PDLIM5: variants seen among roughly 807,000 people sequenced by gnomAD.
The protein encoded by PDLIM5 is PDZ and LIM domain 5.
PDLIM5 carries 34 observed loss-of-function variants against 64.2 expected under a neutral mutation model. The observed-to-expected ratio is 0.53, with a 90% CI of 0.40 to 0.71. PDLIM5 has a LOEUF of 0.71. PDLIM5 is among the 30% of genes least tolerant of loss of function. The probability of loss-of-function intolerance (pLI) is 0.00; values close to 1 mark genes in which losing one functional copy is unlikely to be tolerated. For synonymous variants in PDLIM5, 253 were observed against 269.1 expected, an observed-to-expected ratio of 0.94 and a Z score of 0.59; for missense variants, 683 against 733.6, an observed-to-expected ratio of 0.93 and a Z score of 0.80.
intron 3 of PDLIM5, among the ~76,000 whole-genome samples, chr4:94,524,117 C>G (rs1290253505): frequency 6.6e-6 from 1 of 151,972 alleles, no homozygotes; most frequent in Non-Finnish European, 1.5e-5. Context: ...GGCCTGTAAT[C>G]CCAGCACTTT....
At chr4:94,609,684 T>C (rs1738205127) in intron 7 of PDLIM5, among the ~76,000 whole-genome samples, 1 of 152,208 alleles carries the variant, frequency 6.6e-6, no homozygotes, top group Admixed American at 6.5e-5. Context: ...TTGTGCCTGC[T>C]TCTCCTGAAA....
intron 5 of PDLIM5, among the ~76,000 whole-genome samples, chr4:94,580,601 G>T (rs1396068520): frequency 6.6e-6 from 1 of 152,050 alleles, no homozygotes; most frequent in African/African-American, 2.4e-5. Flanking sequence ...AGGTTAGATA[G>T]AATTTTTTTT....
intron 9 of PDLIM5, among the ~76,000 whole-genome samples, chr4:94,647,089 A>G (rs1741474463): frequency 6.6e-6 from 1 of 152,174 alleles, no homozygotes; most frequent in Non-Finnish European, 1.5e-5. Flanking sequence ...TAGGAAAGGG[A>G]ACAAAAAAGG....
chr4:94,452,856 G>A (rs1240292832), intron 1 of PDLIM5, among the ~76,000 whole-genome samples: 2 of 152,192 alleles, frequency 1.3e-5, no homozygotes, highest in East Asian at 1.9e-4. Context: ...GGCCAACAAG[G>A]CTAGGCGCGA....
chr4:94,509,133 T>C (rs1174355399), intron 2 of PDLIM5, among the ~76,000 whole-genome samples: 1 of 152,206 alleles, frequency 6.6e-6, no homozygotes, highest in African/African-American at 2.4e-5. Context: ...ATTTCATCAT[T>C]ATATCATAAT....
chr4:94,457,632 A>G (rs1723494320), intron 2 of PDLIM5, among the ~76,000 whole-genome samples: 2 of 152,226 alleles, frequency 1.3e-5, no homozygotes, highest in Admixed American at 1.3e-4. Flanking sequence ...TTGTGTGGTA[A>G]TAGAAATGCA....
chr4:94,453,248 T>G (rs972430958), intron 1 of PDLIM5, among the ~76,000 whole-genome samples: 1 of 152,172 alleles, frequency 6.6e-6, no homozygotes, highest in African/African-American at 2.4e-5. Context: ...TGGGCACTAA[T>G]AACCAGATGG....
intron 7 of PDLIM5, among the ~76,000 whole-genome samples, chr4:94,612,252 A>C (rs1221661425): frequency 6.6e-6 from 1 of 152,130 alleles, no homozygotes; most frequent in African/African-American, 2.4e-5. Context: ...AACAAACAAA[A>C]AATATATATA....
chr4:94,610,847 A>G (rs1174506363), intron 7 of PDLIM5, among the ~76,000 whole-genome samples: 2 of 152,176 alleles, frequency 1.3e-5, no homozygotes, highest in East Asian at 3.9e-4. Flanking sequence ...GTGAAAATCT[A>G]ATCAATGTTA....
At chr4:94,515,345 T>G (rs1729271197) in intron 2 of PDLIM5, among the ~76,000 whole-genome samples, 1 of 152,226 alleles carries the variant, frequency 6.6e-6, no homozygotes. Flanking sequence ...ATTAAGGTTT[T>G]TAAAAAGCGA....
intron 4 of PDLIM5, 32 bp from the exon 5 acceptor site, chr4:94,575,584 G>T (rs1376489260): frequency 7.0e-7 from 1 of 1,436,402 alleles, no homozygotes; most frequent in Admixed American, 2.2e-5. Flanking sequence ...GTTTGGTGTG[G>T]TTTTGTGTAT....
intron 3 of PDLIM5, among the ~76,000 whole-genome samples, chr4:94,560,771 A>C (rs905516041): frequency 6.6e-6 from 1 of 152,126 alleles, no homozygotes; most frequent in South Asian, 2.1e-4. Context: ...GCTGTTGCCC[A>C]GGCTGGGTGT....
At chr4:94,588,203 T>C (rs1000494979) in intron 7 of PDLIM5, 1 of 964,716 alleles carries the variant, frequency 1.0e-6, no homozygotes, top group African/African-American at 1.8e-5. Flanking sequence ...CTGGGTAAAA[T>C]AAACAATTCT....
intron 3 of PDLIM5, among the ~76,000 whole-genome samples, chr4:94,538,023 A>G (rs935514081): frequency 6.6e-6 from 1 of 151,612 alleles, no homozygotes; most frequent in East Asian, 2.1e-4. Flanking sequence ...CATTTGTTTG[A>G]TATTCCAGTC....
At chr4:94,468,383 G>A (rs1181583655) in intron 2 of PDLIM5, among the ~76,000 whole-genome samples, 1 of 152,084 alleles carries the variant, frequency 6.6e-6, no homozygotes, top group Non-Finnish European at 1.5e-5. Context: ...CAAACATGTG[G>A]GCTCAAGTGA....
chr4:94,640,191 A>T, intron 8 of PDLIM5, 85 bp from the exon 9 acceptor site: 1 of 666,426 alleles, frequency 1.5e-6, no homozygotes, highest in Non-Finnish European at 2.4e-6. Flanking sequence ...GATTACTGTT[A>T]AAATAATAAT....
intron 2 of PDLIM5, among the ~76,000 whole-genome samples, chr4:94,504,983 A>G (rs903259077): frequency 6.6e-6 from 1 of 152,172 alleles, no homozygotes; most frequent in Non-Finnish European, 1.5e-5. Flanking sequence ...TCTGAATTTT[A>G]TAACAGTGCC....
chr4:94,510,741 C>T lies in PDLIM5; in HGVS notation c.97-12983C>T, dbSNP rs143189840. Among the ~76,000 whole-genome samples, 4 of 152,182 alleles carry T rather than the reference C, an allele frequency of 2.6e-5. No individual in the cohort carries two copies. The East Asian group carries it at 7.7e-4, about 29-fold the overall frequency. ...CAGGAAAATAGGCTGGCCACAGTGG[C>T]TCACACCTGTAATCCTAGCACTTTG... On this transcript the variant is annotated intron_variant, in intron 2 of 12. Transcript: ENST00000317968.
At position 94,622,859 on chromosome 4, in the gene PDLIM5, CG is replaced by C. The variant is rs555478145; in HGVS notation, c.1108+4672del. Among the ~76,000 whole-genome samples the C allele has an allele frequency of 2.1e-3, 323 of 152,108 alleles. 1 individual carries two copies. The highest frequency in any genetic ancestry group is 7.5e-3 in the African/African-American group (310 of 41,514). ...CTAATTTTTGTATTTTTAATAGAGA[CG>C]GGGTTTCACCATGTTGGCCAGGATG... On this transcript the variant is annotated intron_variant, in intron 8 of 12. Coordinates refer to ENST00000317968, the MANE Select transcript of PDLIM5 (RefSeq NM_006457.5).
Sources: allele counts gnomAD v4.1 joint callset (sites outside exome capture counted in the v4.1 genomes callset), GRCh38; gene constraint gnomAD v4.1.1; transcripts MANE v1.5; gene names NCBI Gene and HGNC (gene_info 2026-07-23, HGNC 2026-07-21).